SCN1A: variants seen among roughly 807,000 people sequenced by gnomAD.
The protein encoded by SCN1A is sodium voltage-gated channel alpha subunit 1, also known as sodium channel protein type 1 subunit alpha.
A neutral mutation model predicts 193.7 loss-of-function variants in SCN1A; 13 were observed. That is an observed-to-expected ratio of 0.07 (90% CI 0.04 to 0.11). SCN1A has a LOEUF of 0.11. Among genes scored for constraint, SCN1A ranks in the 10% least tolerant of loss-of-function variants. SCN1A has a pLI of 1.00. For missense variants in SCN1A, 1,432 were observed against 2,451.1 expected (o/e 0.58, Z 8.78); for synonymous variants, 781 against 843.6 (o/e 0.93, Z 1.29).
rs1574060392 is a variant in SCN1A, at chr2:166,013,780, G to A, written c.3669C>T (p.Phe1223=). ...RIVEHNWFET[F]IVFMILLSSG... is the part of the protein sequence containing the mutation. Reference sequence around the variant, plus strand: ...TACTAAGGAGAATCATGAAAACAATGAAGGTCTCAAACCAGTTATGTTCAA... The same window carrying A: ...TACTAAGGAGAATCATGAAAACAATAAAGGTCTCAAACCAGTTATGTTCAA... The change falls in exon 21 of 29, where the codon TTC becomes TTT. Residue 1223 remains phenylalanine, a synonymous_variant. Transcript: ENST00000674923. 1 of 1,611,962 alleles carries A rather than the reference G, an allele frequency of 6.2e-7. No homozygotes were observed.
Position 166,032,202 on chromosome 2 carries a change from TAC to T in SCN1A, c.3429+3844_3429+3845del. On this transcript the variant is annotated intron_variant, in intron 19 of 28. Coordinates refer to ENST00000674923, the MANE Select transcript of SCN1A (RefSeq NM_001165963.4). ...ATTCATACTTAAAGGTTGAAAGTCA[TAC>T]ACACACACACACACACACACACACA... Among the ~76,000 whole-genome samples the T allele has an allele frequency of 8.5e-3, 658 of 77,108 alleles. 6 individuals are homozygous for T. Among genetic ancestry groups the T allele is most frequent in the East Asian group, 0.021 (39 of 1,880 alleles). The allele number at this position is 77,108 out of a possible 152,430, so 50.6% of individuals were successfully genotyped here.
In SCN1A at chr2:166,009,807, C is replaced by T; in HGVS notation, c.3914G>A (p.Gly1305Asp). 6.2e-7 allele frequency: 1 copy of T among 1,607,144 alleles called. No individual in the cohort carries two copies. Among genetic ancestry groups the T allele is most frequent in the Non-Finnish European group, 8.5e-7 (1 of 1,175,144 alleles). The part of the protein sequence containing the change: ...SLVSLTANAL[G>D]YSELGAIKSL... ...TTTGATGGCTCCAAGTTCTGAGTAA[C>T]CCAAGGCATTTGCTGTTAAACTGAC... The change falls in exon 23 of 29, where the codon GGT becomes GAT. Residue 1305 changes from glycine to aspartate, a missense_variant. This residue lies in a region of SCN1A where 107 missense variants were observed against 259.4 expected (regional missense o/e 0.41). Coordinates refer to ENST00000674923, the MANE Select transcript of SCN1A (RefSeq NM_001165963.4).
downstream of SCN1A, chr2:165,985,125 C>T (rs546618962): frequency 6.6e-6 from 1 of 151,790 alleles, no homozygotes; most frequent in African/African-American, 2.4e-5. Context: ...TTTGAAAATG[C>T]AAAGGCAGAC....
chr2:166,067,677 T>C (rs1389455687), intron 4 of SCN1A, among the ~76,000 whole-genome samples: 3 of 151,372 alleles, frequency 2.0e-5, no homozygotes, highest in Non-Finnish European at 4.4e-5. Context: ...ACTGATATTA[T>C]ATATAGCATG....
upstream of SCN1A, among the ~76,000 whole-genome samples, chr2:166,131,560 G>A (rs944303506): frequency 5.9e-5 from 9 of 152,162 alleles, no homozygotes; most frequent in African/African-American, 1.4e-4. Flanking sequence ...AAAAAGCTGG[G>A]CCAGGTAATT....
chr2:166,046,173 G>A (rs557068229), intron 12 of SCN1A, among the ~76,000 whole-genome samples: 112 of 152,220 alleles, frequency 7.4e-4, no homozygotes, highest in South Asian at 1.2e-3. Context: ...AGATAGGAGA[G>A]GCATTTTATG....
At chr2:166,102,208 A>C (rs138190019) in intron 2 of SCN1A, among the ~76,000 whole-genome samples, 177 of 152,360 alleles carry the variant, frequency 1.2e-3, no homozygotes, top group African/African-American at 4.1e-3. Context: ...ATTTTTAAAA[A>C]GTCATGGGCG....
chr2:166,047,780 G>A lies in SCN1A; in HGVS notation c.1029-12C>T, dbSNP rs772513720. ...CCTCTGGACATTGGCTGCAAGTGGG[G>A]TAAAAGAAAGTATTACAAGTCGTTC... On this transcript the variant is annotated splice_polypyrimidine_tract_variant and intron_variant, in intron 10 of 28. Coordinates refer to ENST00000674923, the MANE Select transcript of SCN1A (RefSeq NM_001165963.4). 49 of 1,613,092 alleles carry A rather than the reference G, an allele frequency of 3.0e-5. No homozygotes were observed. In the Admixed American group the frequency reaches 8.0e-4, roughly 26 times the overall value.
At position 165,996,042 on chromosome 2, in the gene SCN1A, T is replaced by G. The variant is rs1689995442; in HGVS notation, c.4552A>C (p.Lys1518Gln). 2.5e-6 allele frequency: 4 copies of G among 1,609,546 alleles called. No individual in the cohort carries two copies. Among genetic ancestry groups the G allele is most frequent in the Non-Finnish European group, 3.4e-6 (4 of 1,176,828 alleles). The part of the protein sequence containing the change: ...YNAMKKLGSK[K>Q]PQKPIPRPGN... Reference sequence around the variant, plus strand: ...GGTCGAGGTATAGGCTTTTGCGGTTTTTTCGATCCTAATTTTTTCATTGCA... The same window carrying G: ...GGTCGAGGTATAGGCTTTTGCGGTTGTTTCGATCCTAATTTTTTCATTGCA... Residue 1518 changes from lysine (K) to glutamine (Q), a missense_variant, in exon 27 of 29, where the codon AAA (lysine) becomes CAA (glutamine). Around this residue, in one of 18 missense-constraint regions of SCN1A, gnomAD observed 85 missense variants for 119.1 expected, o/e 0.71. Transcript: ENST00000674923.
chr2:166,138,910 A>G (rs1691970738), intron 1 of SCN1A, among the ~76,000 whole-genome samples: 2 of 152,120 alleles, frequency 1.3e-5, no homozygotes, highest in African/African-American at 4.8e-5. Flanking sequence ...GACCATGGGA[A>G]CCCACCTCTT....
intron 2 of SCN1A, among the ~76,000 whole-genome samples, chr2:166,112,407 C>T (rs963888636): frequency 6.6e-6 from 1 of 152,112 alleles, no homozygotes; most frequent in African/African-American, 2.4e-5. Flanking sequence ...CAACATAATA[C>T]TATCACATAC....
At chr2:166,113,390 G>T (rs1486172003) in intron 2 of SCN1A, among the ~76,000 whole-genome samples, 1 of 151,882 alleles carries the variant, frequency 6.6e-6, no homozygotes, top group Non-Finnish European at 1.5e-5. Flanking sequence ...TGAATGACTA[G>T]TAAATGAAAA....
chr2:165,996,350 C>A, intron 26 of SCN1A: 1 of 354,982 alleles, frequency 2.8e-6, no homozygotes, highest in Non-Finnish European at 5.2e-6. Context: ...AGACAAACAC[C>A]CCCAAATCTC....
chr2:166,037,260 A>G lies in SCN1A; in HGVS notation c.2946+516T>C, dbSNP rs371382398. ...TCAGGTTGGCTAGTGCATCTGCCAT[A>G]TGACATAGAGTGATTGAATATCATA... is the stretch of plus-strand genomic sequence containing the variant. On this transcript the variant is annotated intron_variant, in intron 18 of 28. Transcript: ENST00000674923. Among the ~76,000 whole-genome samples, 14 of 152,334 alleles carry G rather than the reference A, an allele frequency of 9.2e-5. No individual in the cohort carries two copies. The South Asian group carries it at 2.7e-3, about 29-fold the overall frequency.
intron 1 of SCN1A, among the ~76,000 whole-genome samples, chr2:166,133,408 A>G (rs1429802482): frequency 3.3e-5 from 5 of 152,212 alleles, no homozygotes; most frequent in Non-Finnish European, 7.3e-5. Flanking sequence ...TATAAACAAG[A>G]CAGAATAATA....
At chr2:166,147,559 A>T in intron 1 of SCN1A, among the ~76,000 whole-genome samples, 1 of 152,330 alleles carries the variant, frequency 6.6e-6, no homozygotes, top group Middle Eastern at 3.4e-3. Flanking sequence ...AAGTACAATT[A>T]AGTATGTATC....
intron 2 of SCN1A, among the ~76,000 whole-genome samples, chr2:166,091,800 A>T (rs1398462920): frequency 1.3e-5 from 2 of 152,226 alleles, no homozygotes; most frequent in African/African-American, 4.8e-5. Flanking sequence ...AATTGTATGC[A>T]TAATCATTCT....
chr2:166,013,632 A>G, intron 21 of SCN1A, 112 bp downstream of exon 21: 2 of 906,824 alleles, frequency 2.2e-6, no homozygotes, highest in Non-Finnish European at 3.6e-6. Context: ...ACAAGGTGGG[A>G]TAATTAAAAA....
At chr2:166,134,237 G>A (rs953293753) in intron 1 of SCN1A, among the ~76,000 whole-genome samples, 1 of 152,174 alleles carries the variant, frequency 6.6e-6, no homozygotes, top group African/African-American at 2.4e-5. Flanking sequence ...GATGCCAAGA[G>A]AGGTGCAGTG....
Sources: allele counts gnomAD v4.1 joint callset (sites outside exome capture counted in the v4.1 genomes callset), GRCh38; gene constraint gnomAD v4.1.1; regional missense constraint gnomAD v4.1.1; transcripts MANE v1.5; gene names NCBI Gene and HGNC (gene_info 2026-07-23, HGNC 2026-07-21).